RAB11B: variants seen among roughly 807,000 people sequenced by gnomAD.
The protein encoded by RAB11B is RAB11B, member RAS oncogene family, also known as ras-related protein Rab-11B.
RAB11B carries 7 observed loss-of-function variants against 23.7 expected under a neutral mutation model. The ratio of observed to expected loss-of-function variants is 0.29; its 90% CI spans 0.17 to 0.55. RAB11B has a LOEUF of 0.55. RAB11B is among the 20% of genes least tolerant of loss of function. The probability of loss-of-function intolerance (pLI) is 0.93; values close to 1 mark genes in which losing one functional copy is unlikely to be tolerated. For missense variants in RAB11B, 189 were observed against 320.0 expected, an observed-to-expected ratio of 0.59 and a Z score of 3.12; for synonymous variants, 138 against 132.0, an observed-to-expected ratio of 1.05 and a Z score of -0.31.
chr19:8,403,032 A>G, intron 4 of RAB11B: 1 of 331,162 alleles, frequency 3.0e-6, no homozygotes, highest in South Asian at 4.4e-5. Context: ...TGGACACTTC[A>G]CAGGGTCAGA....
rs760153019 is a variant in RAB11B, at chr19:8,399,984, G to T, written c.162G>T (p.Gln54His). The T allele has an allele frequency of 3.7e-6, 6 of 1,614,098 alleles. No homozygotes were observed. The highest frequency in any genetic ancestry group is 5.1e-6 in the Non-Finnish European group (6 of 1,180,030). ...TGGAGTTCGCCACCCGCAGCATCCA[G>T]GTGGACGGCAAGACCATCAAGGCGC... The part of the protein sequence containing the change: ...IGVEFATRSI[Q>H]VDGKTIKAQI... Residue 54 changes from glutamine to histidine, a missense_variant, in exon 2 of 5, where the codon CAG becomes CAT. Around this residue, in one of 5 missense-constraint regions of RAB11B, gnomAD observed 28 missense variants for 43.1 expected, o/e 0.65. Coordinates refer to ENST00000328024, the MANE Select transcript of RAB11B (RefSeq NM_004218.4).
At chr19:8,398,522 G>A (rs1484948690) in intron 1 of RAB11B, among the ~76,000 whole-genome samples, 4 of 152,246 alleles carry the variant, frequency 2.6e-5, no homozygotes, top group Non-Finnish European at 5.9e-5. Context: ...CAGGGGACCT[G>A]ACCCTGGGGA....
At chr19:8,401,994 C>G in intron 2 of RAB11B, 92 bp from the exon 3 acceptor site, 1 of 1,366,022 alleles carries the variant, frequency 7.3e-7, no homozygotes, top group Non-Finnish European at 9.8e-7. Context: ...CCTGGACGAC[C>G]CACCCTGGGC....
Sources: allele counts gnomAD v4.1 joint callset (sites outside exome capture counted in the v4.1 genomes callset), GRCh38; gene constraint gnomAD v4.1.1; regional missense constraint gnomAD v4.1.1; transcripts MANE v1.5; gene names NCBI Gene and HGNC (gene_info 2026-07-23, HGNC 2026-07-21).